Variants in LRMDA observed in about 807,000 individuals in gnomAD.
LRMDA encodes leucine-rich melanocyte differentiation-associated protein.
Under a neutral mutation model 29.8 loss-of-function variants are expected in LRMDA, and 18 were observed. The ratio of observed to expected loss-of-function variants is 0.60; its 90% confidence interval spans 0.42 to 0.90. The LOEUF is 0.90. Ranked by LOEUF, LRMDA falls within the 40% of genes least tolerant of loss-of-function variation. LRMDA has a pLI of 0.00. For synonymous variants in LRMDA, 125 were observed against 109.4 expected (o/e 1.14, Z -0.89); for missense variants, 273 against 273.9 (o/e 1.00, Z 0.02).
chr10:75,973,640 G>A (rs536085691), intron 2 of LRMDA, among the ~76,000 whole-genome samples: 1 of 152,086 alleles, frequency 6.6e-6, no homozygotes, highest in Non-Finnish European at 1.5e-5. Flanking sequence ...GGCTGGTCTC[G>A]AATTCCTGAC....
rs902160239 is a variant in LRMDA, at chr10:76,284,520, C to T, written c.517-39881C>T. Among the ~76,000 whole-genome samples the T allele has an allele frequency of 3.3e-5, 5 of 152,274 alleles. 1 individual carries two copies. The highest frequency in any genetic ancestry group is 6.5e-5 in the Admixed American group (1 of 15,292). On this transcript the variant is annotated intron_variant, in intron 5 of 6. Coordinates refer to ENST00000611255, the MANE Select transcript of LRMDA (RefSeq NM_001305581.2). ...GACAATGAACTTGTGTTGTTTGAAG[C>T]TGCTAAGTTCATGTGAACTTGTTAC...
intron 2 of LRMDA, among the ~76,000 whole-genome samples, chr10:75,821,982 G>A (rs990441197): frequency 8.5e-5 from 13 of 152,114 alleles, no homozygotes; most frequent in Admixed American, 2.6e-4. Flanking sequence ...CCTAGCTACA[G>A]CACTCAGTCA....
chr10:75,587,317 G>A (rs1840668509), intron 2 of LRMDA, among the ~76,000 whole-genome samples: 1 of 152,006 alleles, frequency 6.6e-6, no homozygotes. Flanking sequence ...TAATATCCAG[G>A]GTTGCGTTTT....
At chr10:75,572,428 C>T (rs530845956) in intron 2 of LRMDA, among the ~76,000 whole-genome samples, 17 of 152,022 alleles carry the variant, frequency 1.1e-4, no homozygotes, top group East Asian at 9.7e-4. Flanking sequence ...CTGGCACCCC[C>T]GGCAGATAGA....
At chr10:75,671,309 G>A (rs1223481422) in intron 2 of LRMDA, among the ~76,000 whole-genome samples, 1 of 152,148 alleles carries the variant, frequency 6.6e-6, no homozygotes, top group African/African-American at 2.4e-5. Flanking sequence ...CTGCTGCCTG[G>A]TATAAGGATA....
At chr10:76,030,398 T>C (rs773637088) in intron 2 of LRMDA, among the ~76,000 whole-genome samples, 4 of 152,290 alleles carry the variant, frequency 2.6e-5, no homozygotes, top group Non-Finnish European at 5.9e-5. Context: ...TGTCGTAATA[T>C]ATAGAGTTAC....
At chr10:75,638,043 T>C (rs1031707389) in intron 2 of LRMDA, among the ~76,000 whole-genome samples, 1 of 152,222 alleles carries the variant, frequency 6.6e-6, no homozygotes, top group Admixed American at 6.5e-5. Context: ...CCAAATCTTT[T>C]TTTTTCCTCT....
chr10:75,773,511 G>A (rs1843270774), intron 2 of LRMDA, among the ~76,000 whole-genome samples: 1 of 152,164 alleles, frequency 6.6e-6, no homozygotes, highest in South Asian at 2.1e-4. Context: ...GCCCCTGGGG[G>A]ACGCCAATGA....
At chr10:76,309,206 TG>T (rs1479205368) in intron 5 of LRMDA, among the ~76,000 whole-genome samples, 2 of 152,080 alleles carry the variant, frequency 1.3e-5, no homozygotes, top group Non-Finnish European at 2.9e-5. Context: ...TGAGGAAGAA[TG>T]TTTGATCAGC....
chr10:76,056,639 C>G (rs901873284), intron 4 of LRMDA, among the ~76,000 whole-genome samples: 8 of 152,240 alleles, frequency 5.3e-5, no homozygotes, highest in Non-Finnish European at 1.2e-4. Context: ...CTGCTCCGAG[C>G]ATGTACACAC....
In LRMDA at chr10:75,686,994, A is replaced by T. The variant is rs1842090816; in HGVS notation, c.131+248500A>T. On this transcript the variant is annotated intron_variant, in intron 2 of 6. Transcript: ENST00000611255. ...TGACCATGAACCTTACCCATATAAG[A>T]CAGAGAACTGAATAAATGCTGTGTG... Among the ~76,000 whole-genome samples, 3 of 152,326 alleles carry T rather than the reference A, an allele frequency of 2.0e-5. No individual in the cohort carries two copies. In the South Asian group the frequency reaches 6.2e-4, roughly 32 times the overall value.
intron 5 of LRMDA, among the ~76,000 whole-genome samples, chr10:76,285,203 G>C (rs973584689): frequency 1.3e-5 from 2 of 152,032 alleles, no homozygotes; most frequent in East Asian, 3.9e-4. Flanking sequence ...CTATTTCCAG[G>C]ATATAGTTGG....
At chr10:75,655,831 G>T (rs747617318) in intron 2 of LRMDA, among the ~76,000 whole-genome samples, 3 of 152,150 alleles carry the variant, frequency 2.0e-5, no homozygotes, top group Non-Finnish European at 4.4e-5. Context: ...TTTAGGGTGG[G>T]TCTGGATAAG....
At chr10:76,296,859 C>G (rs915583683) in intron 5 of LRMDA, among the ~76,000 whole-genome samples, 1 of 152,196 alleles carries the variant, frequency 6.6e-6, no homozygotes, top group Non-Finnish European at 1.5e-5. Flanking sequence ...CTAGTGATCC[C>G]AACATGCTTG....
intron 2 of LRMDA, among the ~76,000 whole-genome samples, chr10:75,528,581 C>T (rs1191324533): frequency 1.3e-5 from 2 of 152,144 alleles, no homozygotes; most frequent in Non-Finnish European, 2.9e-5. Context: ...CTGAACTTCA[C>T]GACTAGTTGG....
intron 2 of LRMDA, among the ~76,000 whole-genome samples, chr10:75,962,705 C>T (rs1846790415): frequency 6.6e-6 from 1 of 152,104 alleles, no homozygotes; most frequent in Admixed American, 6.6e-5. Context: ...TTTACAAGTC[C>T]CTACTGTTCT....
chr10:75,651,923 A>C (rs1431834312), intron 2 of LRMDA, among the ~76,000 whole-genome samples: 2 of 152,208 alleles, frequency 1.3e-5, no homozygotes, highest in Non-Finnish European at 2.9e-5. Context: ...AATGCAATCA[A>C]TCCAGTTCCT....
At chr10:75,798,893 A>T (rs1433622780) in intron 2 of LRMDA, among the ~76,000 whole-genome samples, 1 of 152,174 alleles carries the variant, frequency 6.6e-6, no homozygotes, top group Non-Finnish European at 1.5e-5. Flanking sequence ...TTGTCAATTA[A>T]AAAAACTTAA....
intron 2 of LRMDA, among the ~76,000 whole-genome samples, chr10:75,579,095 A>G (rs908236781): frequency 1.3e-5 from 2 of 152,234 alleles, no homozygotes; most frequent in African/African-American, 4.8e-5. Flanking sequence ...GGAGATAGAG[A>G]CACGAAAAAC....
Sources: gnomAD v4.1 joint callset for allele counts (sites outside exome capture counted in the v4.1 genomes callset) on GRCh38, gnomAD v4.1.1 for gene constraint, MANE v1.5 for transcripts, NCBI Gene and HGNC (gene_info 2026-07-23, HGNC 2026-07-21) for gene names.